Variants in MAP2 observed in about 807,000 individuals in gnomAD.
MAP2 encodes the protein microtubule-associated protein 2.
MAP2 carries 14 observed loss-of-function variants against 137.6 expected under a neutral mutation model. The ratio of observed to expected loss-of-function variants is 0.10; its 90% CI spans 0.07 to 0.16. MAP2 has a LOEUF of 0.16. MAP2 is among the 10% of genes least tolerant of loss of function. The pLI, the probability that MAP2 is intolerant of heterozygous loss-of-function variation, is 1.00. For missense variants in MAP2, 2,088 were observed against 2,191.5 expected (o/e 0.95, Z 0.94); for synonymous variants, 786 against 782.3 (o/e 1.00, Z -0.08).
chr2:209,601,997 C>G (rs1580115475), intron 3 of MAP2, among the ~76,000 whole-genome samples: 2 of 152,172 alleles, frequency 1.3e-5, no homozygotes, highest in African/African-American at 4.8e-5. Flanking sequence ...ATAAAGCCCT[C>G]TTTGCACAGA....
At chr2:209,521,390 A>G (rs2063258791) in intron 2 of MAP2, among the ~76,000 whole-genome samples, 1 of 151,968 alleles carries the variant, frequency 6.6e-6, no homozygotes, top group East Asian at 1.9e-4. Flanking sequence ...GTTTTGTGGC[A>G]GCACCTGTCC....
At chr2:209,635,497 A>G (rs1269408725) in intron 4 of MAP2, among the ~76,000 whole-genome samples, 1 of 152,162 alleles carries the variant, frequency 6.6e-6, no homozygotes, top group Non-Finnish European at 1.5e-5. Context: ...ATAACCGTAT[A>G]TAGTCCTGAC....
At chr2:209,569,953 AT>A (rs1040080730) in intron 2 of MAP2, among the ~76,000 whole-genome samples, 30 of 151,866 alleles carry the variant, frequency 2.0e-4, no homozygotes, top group African/African-American at 7.2e-4. Flanking sequence ...CCATGAGCCT[AT>A]ATTGCACTCA....
intron 3 of MAP2, among the ~76,000 whole-genome samples, chr2:209,617,569 G>A (rs1303360113): frequency 1.3e-5 from 2 of 152,112 alleles, no homozygotes; most frequent in Non-Finnish European, 2.9e-5. Context: ...GAGAAGCCTG[G>A]CTAAAGTTTG....
chr2:209,723,903 T>A (rs988093418), intron 13 of MAP2, among the ~76,000 whole-genome samples: 2 of 152,144 alleles, frequency 1.3e-5, no homozygotes, highest in African/African-American at 4.8e-5. Context: ...CTGCTTTGAT[T>A]TGGGAAAGAA....
intron 5 of MAP2, among the ~76,000 whole-genome samples, chr2:209,675,623 T>G (rs544170407): frequency 4.6e-5 from 7 of 151,838 alleles, no homozygotes; most frequent in Non-Finnish European, 7.4e-5. Context: ...TAAATCCACC[T>G]CTCCTTTTTT....
chr2:209,436,007 A>T (rs62213410), intron 1 of MAP2, among the ~76,000 whole-genome samples: 28,345 of 81,590 alleles, frequency 0.35, 5,177 homozygotes, highest in African/African-American at 0.4. Context: ...CTATATATAC[A>T]GTATATATTA....
chr2:209,479,107 AT>A (rs1175337221), intron 1 of MAP2, among the ~76,000 whole-genome samples: 1 of 151,930 alleles, frequency 6.6e-6, no homozygotes, highest in Non-Finnish European at 1.5e-5. Flanking sequence ...AAAGCAAGTG[AT>A]TTTTTTTCTT....
chr2:209,559,363 GTGGCTCACACCTGT>G (rs1445856648), intron 2 of MAP2, among the ~76,000 whole-genome samples: 1 of 151,446 alleles, frequency 6.6e-6, no homozygotes, highest in Non-Finnish European at 1.5e-5. Context: ...ACTGGGCGTG[GTGGCTCACACCTGT>G]AATCCCAGCA....
chr2:209,709,069 G>A (rs564181099), intron 12 of MAP2, among the ~76,000 whole-genome samples: 1 of 152,114 alleles, frequency 6.6e-6, no homozygotes, highest in African/African-American at 2.4e-5. Flanking sequence ...AAAGTGGGGG[G>A]TGGGAATAAT....
chr2:209,695,047 G>A lies in MAP2; in HGVS notation c.2877G>A (p.Arg959=), dbSNP rs756328546. 1.2e-6 allele frequency: 2 copies of A among 1,614,124 alleles called. No homozygotes were observed. The highest frequency in any genetic ancestry group is 1.7e-6 in the Non-Finnish European group (2 of 1,180,020). The change falls in exon 8 of 16, where the codon AGG becomes AGA. Residue 959 remains arginine (R), a synonymous_variant. Coordinates refer to ENST00000682079, the MANE Select transcript of MAP2 (RefSeq NM_001375505.1). ...ACCAAGAGAAGAAAGCTAATGATAG[G>A]TTGGATACTGTACTAGAAAAGAGTG... ...EFDQEKKAND[R]LDTVLEKSEE... is the part of the protein sequence containing the mutation.
At chr2:209,488,599 G>T (rs143210460) in intron 1 of MAP2, among the ~76,000 whole-genome samples, 3 of 152,210 alleles carry the variant, frequency 2.0e-5, no homozygotes, top group African/African-American at 7.2e-5. Context: ...GAGCTTGGTG[G>T]GGGGAGGGGT....
At chr2:209,679,598 G>C (rs142043491) in intron 6 of MAP2, among the ~76,000 whole-genome samples, 340 of 151,802 alleles carry the variant, frequency 2.2e-3, no homozygotes, top group African/African-American at 7.9e-3. Context: ...TTGATTTTTT[G>C]ATCAGTATTC....
At chr2:209,681,691 A>G (rs923325420) in intron 7 of MAP2, among the ~76,000 whole-genome samples, 1 of 152,182 alleles carries the variant, frequency 6.6e-6, no homozygotes, top group South Asian at 2.1e-4. Flanking sequence ...CCAGAATTTT[A>G]AAAGTGTTTA....
intron 2 of MAP2, among the ~76,000 whole-genome samples, chr2:209,526,619 C>A (rs2064100785): frequency 6.8e-6 from 1 of 147,578 alleles, no homozygotes; most frequent in Non-Finnish European, 1.5e-5. Flanking sequence ...TGGGGCAAAT[C>A]TTTCCTTGGA....
chr2:209,569,152 G>C (rs2073983251), intron 2 of MAP2, among the ~76,000 whole-genome samples: 1 of 151,790 alleles, frequency 6.6e-6, no homozygotes, highest in African/African-American at 2.4e-5. Flanking sequence ...ATGTGCCAAA[G>C]ATGAAAAATC....
chr2:209,529,827 C>T (rs2064814048), intron 2 of MAP2, among the ~76,000 whole-genome samples: 1 of 152,122 alleles, frequency 6.6e-6, no homozygotes, highest in Non-Finnish European at 1.5e-5. Flanking sequence ...ACCAATTACT[C>T]ACGTCTTGAC....
intron 6 of MAP2, among the ~76,000 whole-genome samples, chr2:209,679,536 A>G (rs2053611370): frequency 7.1e-6 from 1 of 140,024 alleles, no homozygotes; most frequent in South Asian, 2.2e-4. Flanking sequence ...TTAAAGGCCT[A>G]AAAAAGTACA....
At chr2:209,470,972 A>G (rs890790488) in intron 1 of MAP2, among the ~76,000 whole-genome samples, 1 of 152,130 alleles carries the variant, frequency 6.6e-6, no homozygotes, top group Non-Finnish European at 1.5e-5. Flanking sequence ...TTTTGGAAAA[A>G]TACAAACTTA....
Sources: allele counts gnomAD v4.1 joint callset (sites outside exome capture counted in the v4.1 genomes callset), GRCh38; gene constraint gnomAD v4.1.1; transcripts MANE v1.5; gene names NCBI Gene and HGNC (gene_info 2026-07-23, HGNC 2026-07-21).